Variants in PTK7 observed in about 807,000 individuals in gnomAD.
The protein encoded by PTK7 is inactive tyrosine-protein kinase 7.
PTK7 carries 39 observed loss-of-function variants against 116.6 expected under a neutral mutation model. The observed-to-expected ratio is 0.33, with a 90% CI of 0.26 to 0.44. PTK7 has a LOEUF of 0.44. Ranked by LOEUF, PTK7 falls within the 20% of genes least tolerant of loss-of-function variation. PTK7 has a pLI of 1.00. For synonymous variants in PTK7, 546 were observed against 563.6 expected (o/e 0.97, Z 0.44); for missense variants, 1,169 against 1,425.6 (o/e 0.82, Z 2.90).
intron 1 of PTK7, among the ~76,000 whole-genome samples, chr6:43,123,460 A>T (rs1259414312): frequency 6.6e-6 from 1 of 152,058 alleles, no homozygotes; most frequent in African/African-American, 2.4e-5. Flanking sequence ...GCCTAGGAAA[A>T]ACTTCCTGCT....
In PTK7 at chr6:43,139,540, G is replaced by A. The variant is rs903893147; in HGVS notation, c.1618+15G>A. Reference sequence around the variant, plus strand: ...GGAACGGGCAGGTGGGTACAGTGCCGGCATAGGGTAGGGGCAGGCAGGCAG... The same window carrying A: ...GGAACGGGCAGGTGGGTACAGTGCCAGCATAGGGTAGGGGCAGGCAGGCAG... On this transcript the variant is annotated intron_variant, in intron 10 of 19. Transcript: ENST00000230419. This position sits in a 1 kb window ranked among gnomAD's most constrained non-coding sequence, Gnocchi z 4.6. 1.4e-5 allele frequency: 23 copies of A among 1,613,690 alleles called. No homozygotes were observed. The African/African-American group carries it at 1.5e-4, about 10-fold the overall frequency.
At chr6:43,106,334 G>T (rs1337482490) in intron 1 of PTK7, among the ~76,000 whole-genome samples, 2 of 152,046 alleles carry the variant, frequency 1.3e-5, no homozygotes, top group Non-Finnish European at 2.9e-5. Flanking sequence ...TTGAGACAGG[G>T]TCTTGCTCGA....
chr6:43,076,614 TC>T lies in PTK7; in HGVS notation c.79+50del. 6.5e-7 allele frequency: 1 copy of T among 1,533,008 alleles called. No homozygotes were observed. The allele number at this position is 1,533,008 out of a possible 1,614,324, so 95.0% of individuals were successfully genotyped here. A position where few individuals can be genotyped will look rare whatever the true frequency, so the allele number is the denominator to read the frequency against. ...GCACAGAGCTTGGGAAGCGCGGGAG[TC>T]CCGTGGGCAAAAGGCTGCGCCCGGG... is the stretch of plus-strand genomic sequence containing the variant. On this transcript the variant is annotated intron_variant, in intron 1 of 19. Transcript: ENST00000230419. This position sits in a 1 kb window ranked among gnomAD's most constrained non-coding sequence, Gnocchi z 5.7.
intron 19 of PTK7, 143 bp from the exon 20 acceptor site, chr6:43,160,578 G>T: frequency 1.9e-6 from 2 of 1,037,198 alleles, no homozygotes; most frequent in South Asian, 3.0e-5. Context: ...ATCTTTTTCC[G>T]TTGCGGGTAC....
At chr6:43,105,310 C>T (rs539049731) in intron 1 of PTK7, among the ~76,000 whole-genome samples, 2 of 149,752 alleles carry the variant, frequency 1.3e-5, no homozygotes, top group African/African-American at 4.9e-5. Context: ...AAAAGGAAAA[C>T]CATCTGAATG....
At chr6:43,078,454 A>T (rs1371237782) in intron 1 of PTK7, among the ~76,000 whole-genome samples, 5 of 152,166 alleles carry the variant, frequency 3.3e-5, no homozygotes, top group Non-Finnish European at 7.4e-5. Context: ...AAACAATTTC[A>T]GTGGAGGCCG....
intron 1 of PTK7, among the ~76,000 whole-genome samples, chr6:43,107,987 A>G (rs1443498777): frequency 6.6e-6 from 1 of 151,346 alleles, no homozygotes; most frequent in African/African-American, 2.4e-5. Context: ...TACGGGAGTA[A>G]TAGAAGATAA....
intron 17 of PTK7, among the ~76,000 whole-genome samples, chr6:43,154,445 A>C (rs1771302159): frequency 6.6e-6 from 1 of 152,220 alleles, no homozygotes; most frequent in Non-Finnish European, 1.5e-5. Context: ...CTGGGCAAAA[A>C]GTACAGTTTG....
chr6:43,094,315 C>G (rs1021277684), intron 1 of PTK7, among the ~76,000 whole-genome samples: 5 of 152,220 alleles, frequency 3.3e-5, no homozygotes, highest in African/African-American at 9.6e-5. Context: ...CCAGTTTTCC[C>G]CCTTCAGTCA....
chr6:43,128,560 A>C (rs926583860), intron 1 of PTK7, among the ~76,000 whole-genome samples: 10 of 152,138 alleles, frequency 6.6e-5, no homozygotes, highest in African/African-American at 2.4e-4. Context: ...CGAGGTGGGC[A>C]GATCACCTGA....
intron 1 of PTK7, among the ~76,000 whole-genome samples, chr6:43,118,895 A>G (rs1768778971): frequency 1.3e-5 from 2 of 150,540 alleles, no homozygotes; most frequent in African/African-American, 2.4e-5. Context: ...CAGCCTCCCA[A>G]GTAGCTGGGA....
chr6:43,076,389 G>A lies in PTK7; in HGVS notation c.-100G>A. 1.1e-6 allele frequency: 1 copy of A among 943,258 alleles called. No homozygotes were observed. Among genetic ancestry groups the A allele is most frequent in the African/African-American group, 1.8e-5 (1 of 56,914 alleles). 58.4% of individuals were successfully genotyped at this position (943,258 alleles called of 1,614,324 possible). Reference sequence around the variant, plus strand: ...GGGCTCCGGCTGCGGCTGCTGCTGCGGCGCCCGCGCTCCGGTGCGCTCCGC... The same window carrying A: ...GGGCTCCGGCTGCGGCTGCTGCTGCAGCGCCCGCGCTCCGGTGCGCTCCGC... On this transcript the variant is annotated 5_prime_UTR_variant, in exon 1 of 20. Transcript: ENST00000230419. The surrounding 1 kb of genome is among the most constrained non-coding windows in gnomAD (Gnocchi z 5.7).
At chr6:43,088,628 G>A (rs1401048826) in intron 1 of PTK7, among the ~76,000 whole-genome samples, 6 of 152,074 alleles carry the variant, frequency 3.9e-5, no homozygotes, top group Admixed American at 2.6e-4. Flanking sequence ...GGAGGCAGAG[G>A]TTGCAGTGAG....
intron 17 of PTK7, among the ~76,000 whole-genome samples, chr6:43,157,831 A>G (rs1395144967): frequency 1.3e-5 from 2 of 151,460 alleles, no homozygotes; most frequent in Non-Finnish European, 2.9e-5. Flanking sequence ...GGTTCAAGCG[A>G]TTCTTCTGCC....
chr6:43,114,572 C>A (rs890401877), intron 1 of PTK7, among the ~76,000 whole-genome samples: 4 of 152,016 alleles, frequency 2.6e-5, no homozygotes, highest in Non-Finnish European at 5.9e-5. Context: ...GCCTTCCAGA[C>A]CCTGACTGAA....
At chr6:43,085,347 C>T (rs895319248) in intron 1 of PTK7, among the ~76,000 whole-genome samples, 8 of 152,064 alleles carry the variant, frequency 5.3e-5, no homozygotes, top group African/African-American at 1.2e-4. Flanking sequence ...CTCCCGGGTT[C>T]GCGCCATTCT....
intron 1 of PTK7, among the ~76,000 whole-genome samples, chr6:43,127,326 A>T (rs1769350258): frequency 6.6e-6 from 1 of 152,176 alleles, no homozygotes. Flanking sequence ...AGGCCTCTGC[A>T]AGTCGCCCAC....
At chr6:43,091,804 C>G (rs1337076893) in intron 1 of PTK7, among the ~76,000 whole-genome samples, 1 of 152,306 alleles carries the variant, frequency 6.6e-6, no homozygotes, top group South Asian at 2.1e-4. Context: ...TGAATCATCC[C>G]TTTGTCCAGT....
intron 6 of PTK7, 64 bp downstream of exon 6, chr6:43,132,228 AT>A (rs1332557706): frequency 6.5e-7 from 1 of 1,540,390 alleles, no homozygotes; most frequent in African/African-American, 1.4e-5. Context: ...GCACATAGAG[AT>A]TTAGGCTTCT....
Sources: allele counts gnomAD v4.1 joint callset (sites outside exome capture counted in the v4.1 genomes callset), GRCh38; gene constraint gnomAD v4.1.1; non-coding constraint Gnocchi (gnomAD v3.1); transcripts MANE v1.5; gene names NCBI Gene and HGNC (gene_info 2026-07-23, HGNC 2026-07-21).